Variants in LDLRAD4 observed in about 807,000 individuals in gnomAD.
The protein encoded by LDLRAD4 is low-density lipoprotein receptor class A domain-containing protein 4.
In LDLRAD4, 5 loss-of-function variants were observed where a neutral mutation model predicts 17.0. That is an observed-to-expected ratio of 0.29 (90% CI 0.15 to 0.62). The LOEUF is 0.62. Ranked by LOEUF, LDLRAD4 falls within the 20% of genes least tolerant of loss-of-function variation. The probability of loss-of-function intolerance (pLI) is 0.84; values close to 1 mark genes in which losing one functional copy is unlikely to be tolerated. For missense variants in LDLRAD4, 340 were observed against 424.7 expected, an observed-to-expected ratio of 0.80 and a Z score of 1.75; for synonymous variants, 168 against 171.8, an observed-to-expected ratio of 0.98 and a Z score of 0.17.
At chr18:13,524,406 G>A (rs922278919) in intron 3 of LDLRAD4, among the ~76,000 whole-genome samples, 53 of 152,232 alleles carry the variant, frequency 3.5e-4, no homozygotes, top group African/African-American at 1.0e-3. Flanking sequence ...ATAAAATGAA[G>A]TTAGTTGAGT....
intron 3 of LDLRAD4, among the ~76,000 whole-genome samples, chr18:13,450,216 G>A (rs1387801067): frequency 4.6e-5 from 7 of 152,006 alleles, no homozygotes; most frequent in African/African-American, 7.3e-5. Flanking sequence ...CTCTAGATCA[G>A]CGGCTGCTGC....
In LDLRAD4 at chr18:13,261,984, A is replaced by G. The variant is rs1431116853; in HGVS notation, c.-466-16121A>G. On this transcript the variant is annotated intron_variant, in intron 1 of 5. Transcript: ENST00000399848. Reference sequence around the variant, plus strand: ...GAGTCCCGTGTGGCTCTGTGTGTGGAAACTGAGTCCCGTGGGGCTCTGTGC... The same window carrying G: ...GAGTCCCGTGTGGCTCTGTGTGTGGGAACTGAGTCCCGTGGGGCTCTGTGC... Among the ~76,000 whole-genome samples the G allele has an allele frequency of 2.0e-3, 303 of 148,366 alleles. 1 individual carries two copies. Among genetic ancestry groups the G allele is most frequent in the South Asian group, 0.012 (54 of 4,488 alleles).
chr18:13,457,043 G>C (rs1028819772), intron 3 of LDLRAD4, among the ~76,000 whole-genome samples: 1 of 152,234 alleles, frequency 6.6e-6, no homozygotes, highest in Non-Finnish European at 1.5e-5. Flanking sequence ...GGCCTAGTGT[G>C]TGGGGCTTCC....
intron 3 of LDLRAD4, among the ~76,000 whole-genome samples, chr18:13,596,206 CTG>C (rs1323629238): frequency 6.6e-6 from 1 of 152,088 alleles, no homozygotes; most frequent in Non-Finnish European, 1.5e-5. Context: ...TTTCTTATGA[CTG>C]TTGTTTGTAT....
chr18:13,564,369 T>G (rs142606502), intron 3 of LDLRAD4, among the ~76,000 whole-genome samples: 1 of 149,302 alleles, frequency 6.7e-6, no homozygotes, highest in Non-Finnish European at 1.5e-5. Context: ...TGCACATCTC[T>G]GGCAATTTTC....
rs552238135 is a variant in LDLRAD4, at chr18:13,571,826, C to T, written c.182-49291C>T. The stretch of plus-strand genomic sequence containing the variant: ...TAATTTTTTGTGTTTTTAGTAGAGA[C>T]GAGGTTTCACCGTGTTAACCAGGAT... On this transcript the variant is annotated intron_variant, in intron 3 of 5. Coordinates refer to ENST00000359446, the Ensembl canonical transcript of LDLRAD4. 2.8e-4 allele frequency among the ~76,000 whole-genome samples: 43 copies of T among 152,054 alleles called. 1 individual carries two copies. The South Asian group carries it at 6.6e-3, about 23-fold the overall frequency.
intron 2 of LDLRAD4, among the ~76,000 whole-genome samples, chr18:13,422,082 C>G (rs1456532942): frequency 1.3e-5 from 2 of 152,244 alleles, no homozygotes; most frequent in Non-Finnish European, 2.9e-5. Context: ...TACCGTTTAT[C>G]TAAGTATTAC....
chr18:13,586,331 C>T (rs1196344326), intron 3 of LDLRAD4, among the ~76,000 whole-genome samples: 1 of 135,800 alleles, frequency 7.4e-6, no homozygotes, highest in South Asian at 2.5e-4. Context: ...TGCTTGAACC[C>T]GGGAGGCGGA....
intron 4 of LDLRAD4, among the ~76,000 whole-genome samples, chr18:13,638,898 C>T (rs1369896477): frequency 1.3e-5 from 2 of 152,068 alleles, no homozygotes; most frequent in Non-Finnish European, 2.9e-5. Context: ...TCACATGTTG[C>T]AATGGAAGAG....
chr18:13,518,029 C>A (rs900820135), intron 3 of LDLRAD4, among the ~76,000 whole-genome samples: 1 of 152,124 alleles, frequency 6.6e-6, no homozygotes, highest in African/African-American at 2.4e-5. Flanking sequence ...CCACCGCGCC[C>A]GGCCATGACT....
intron 3 of LDLRAD4, among the ~76,000 whole-genome samples, chr18:13,467,149 C>T (rs1275465785): frequency 6.6e-6 from 1 of 152,046 alleles, no homozygotes; most frequent in African/African-American, 2.4e-5. Context: ...CTAGCCAGAG[C>T]AACTAGACAA....
chr18:13,445,358 T>A (rs563724631), intron 3 of LDLRAD4, among the ~76,000 whole-genome samples: 1 of 152,138 alleles, frequency 6.6e-6, no homozygotes, highest in Non-Finnish European at 1.5e-5. Context: ...TGTGTGGGTG[T>A]CAGAGAGTGT....
At chr18:13,218,753 G>A (rs1431995518), upstream of LDLRAD4, 2 of 152,302 alleles carry the variant, frequency 1.3e-5, no homozygotes, top group Non-Finnish European at 2.9e-5. Flanking sequence ...TGGCTGGGAA[G>A]TCGATTGTCT....
chr18:13,237,651 A>G (rs112661614), intron 1 of LDLRAD4, among the ~76,000 whole-genome samples: 30 of 152,340 alleles, frequency 2.0e-4, no homozygotes, highest in African/African-American at 7.0e-4. Context: ...CCAAAGATCC[A>G]TTCCCTCAGT....
intron 1 of LDLRAD4, among the ~76,000 whole-genome samples, chr18:13,370,715 T>TTTTTTTTTTTTTTTGTTTG (rs1555663261): frequency 2.5e-5 from 3 of 121,000 alleles, no homozygotes; most frequent in African/African-American, 1.1e-4. Context: ...TTTGTTTTGT[T>TTTTTTTTTTTTTTTGTTTG]TTTTTTTTTT....
At chr18:13,265,652 C>T (rs2044174150) in intron 1 of LDLRAD4, among the ~76,000 whole-genome samples, 1 of 152,214 alleles carries the variant, frequency 6.6e-6, no homozygotes, top group South Asian at 2.1e-4. Context: ...TATCAGTCAT[C>T]TGGGGACTGT....
intron 1 of LDLRAD4, among the ~76,000 whole-genome samples, chr18:13,263,338 G>T (rs766908129): frequency 4.3e-4 from 66 of 152,232 alleles, no homozygotes; most frequent in Non-Finnish European, 7.9e-4. Flanking sequence ...AGTCCCCTGT[G>T]GCTCTGTGTG....
intron 1 of LDLRAD4, among the ~76,000 whole-genome samples, chr18:13,374,514 G>T (rs867205665): frequency 6.6e-6 from 1 of 152,230 alleles, no homozygotes; most frequent in Admixed American, 6.5e-5. Flanking sequence ...CTGCTGAACC[G>T]AATCTGCAGT....
chr18:13,271,978 C>A (rs1320370533), intron 1 of LDLRAD4, among the ~76,000 whole-genome samples: 1 of 148,480 alleles, frequency 6.7e-6, no homozygotes, highest in Non-Finnish European at 1.5e-5. Context: ...TCACTTCAAC[C>A]TCCGCCTCCC....
Sources: allele counts gnomAD v4.1 joint callset (sites outside exome capture counted in the v4.1 genomes callset), GRCh38; gene constraint gnomAD v4.1.1; transcripts MANE v1.5; gene names NCBI Gene and HGNC (gene_info 2026-07-23, HGNC 2026-07-21).